AGBL4: variants seen among roughly 807,000 people sequenced by gnomAD.
The protein encoded by AGBL4 is cytosolic carboxypeptidase 6.
AGBL4 carries 58 observed loss-of-function variants against 66.4 expected under a neutral mutation model. The observed-to-expected ratio is 0.87, with a 90% CI of 0.71 to 1.09. The LOEUF (loss-of-function observed/expected upper bound fraction) is 1.09. Among genes scored for constraint, AGBL4 ranks in the 50% least tolerant of loss-of-function variants. The pLI is 0.00. For missense variants in AGBL4, 579 were observed against 631.0 expected, an observed-to-expected ratio of 0.92 and a Z score of 0.88; for synonymous variants, 234 against 222.9, an observed-to-expected ratio of 1.05 and a Z score of -0.44.
chr1:49,300,842 T>C (rs1644731895), intron 3 of AGBL4, among the ~76,000 whole-genome samples: 1 of 152,186 alleles, frequency 6.6e-6, no homozygotes, highest in Non-Finnish European at 1.5e-5. Flanking sequence ...GCTAATTATA[T>C]TGTAATCCTC....
intron 11 of AGBL4, among the ~76,000 whole-genome samples, chr1:48,561,025 G>A (rs961223463): frequency 6.6e-6 from 1 of 152,178 alleles, no homozygotes; most frequent in Non-Finnish European, 1.5e-5. Flanking sequence ...ATACTGCAGT[G>A]CTAGTCATTC....
At chr1:49,673,136 G>C (rs1360671518) in intron 3 of AGBL4, among the ~76,000 whole-genome samples, 1 of 152,066 alleles carries the variant, frequency 6.6e-6, no homozygotes, top group East Asian at 1.9e-4. Flanking sequence ...GATTTTGATG[G>C]TCTCTGCCTT....
chr1:49,202,412 C>T (rs1336635244), intron 4 of AGBL4, among the ~76,000 whole-genome samples: 2 of 152,064 alleles, frequency 1.3e-5, no homozygotes, highest in Admixed American at 1.3e-4. Context: ...AGGTATGGTA[C>T]TGGCATCAAG....
chr1:49,177,981 G>A (rs2148179839), intron 4 of AGBL4, among the ~76,000 whole-genome samples: 1 of 152,254 alleles, frequency 6.6e-6, no homozygotes, highest in African/African-American at 2.4e-5. Context: ...GCCTCAAACT[G>A]AAGATGACAG....
intron 4 of AGBL4, among the ~76,000 whole-genome samples, chr1:49,193,532 CTT>C (rs879757160): frequency 2.9e-5 from 4 of 139,822 alleles, no homozygotes; most frequent in Admixed American, 7.2e-5. Flanking sequence ...GTATTGATTT[CTT>C]TTTTTTTTTT....
At chr1:48,879,699 C>T (rs1649583118) in intron 5 of AGBL4, among the ~76,000 whole-genome samples, 1 of 152,120 alleles carries the variant, frequency 6.6e-6, no homozygotes, top group South Asian at 2.1e-4. Flanking sequence ...ATCCTCACAA[C>T]ATATCTGTAC....
At chr1:49,610,456 T>C (rs968565102) in intron 3 of AGBL4, among the ~76,000 whole-genome samples, 1 of 152,204 alleles carries the variant, frequency 6.6e-6, no homozygotes, top group African/African-American at 2.4e-5. Flanking sequence ...CAGTGCTGCA[T>C]GGAAAACAAA....
intron 6 of AGBL4, among the ~76,000 whole-genome samples, chr1:48,745,774 G>A (rs1650638528): frequency 6.6e-6 from 1 of 152,122 alleles, no homozygotes; most frequent in African/African-American, 2.4e-5. Context: ...CAAATACTGG[G>A]TTTAAGTACT....
rs575132169 is a variant in AGBL4, at chr1:49,979,924, TG to T, written c.34+43838del. 2.6e-3 allele frequency among the ~76,000 whole-genome samples: 401 copies of T among 152,302 alleles called. 1 individual carries two copies. The highest frequency in any genetic ancestry group is 4.8e-3 in the South Asian group (23 of 4,828). ...GCTGTGGTTATCCATTTCAGAAAGA[TG>T]ATTCATCTTGTAAACAGACAACATA... On this transcript the variant is annotated intron_variant, in intron 1 of 13. Coordinates refer to ENST00000371839, the MANE Select transcript of AGBL4 (RefSeq NM_032785.4).
chr1:49,278,463 T>C (rs1262330402), intron 3 of AGBL4, among the ~76,000 whole-genome samples: 1 of 152,188 alleles, frequency 6.6e-6, no homozygotes, highest in East Asian at 1.9e-4. Context: ...ACGACTGATC[T>C]ACTTTACAGC....
intron 3 of AGBL4, among the ~76,000 whole-genome samples, chr1:49,623,012 C>A (rs1162197602): frequency 1.3e-5 from 2 of 152,078 alleles, no homozygotes; most frequent in African/African-American, 4.8e-5. Flanking sequence ...CAGGAAAAAA[C>A]CACACACACA....
chr1:49,796,908 C>G (rs1422992579), intron 2 of AGBL4, among the ~76,000 whole-genome samples: 1 of 151,990 alleles, frequency 6.6e-6, no homozygotes, highest in Non-Finnish European at 1.5e-5. Context: ...AACTATACAA[C>G]AGTTTTCCTA....
At chr1:48,633,594 A>G (rs1010449512) in intron 9 of AGBL4, among the ~76,000 whole-genome samples, 2 of 152,170 alleles carry the variant, frequency 1.3e-5, no homozygotes, top group Admixed American at 1.3e-4. Flanking sequence ...TCACACACAC[A>G]TACTCCATTC....
At chr1:49,291,600 C>T (rs1375866567) in intron 3 of AGBL4, among the ~76,000 whole-genome samples, 2 of 152,134 alleles carry the variant, frequency 1.3e-5, no homozygotes, top group Non-Finnish European at 2.9e-5. Context: ...AACAAGAAAA[C>T]TAATCTGAGT....
intron 1 of AGBL4, among the ~76,000 whole-genome samples, chr1:49,878,110 G>A (rs1647081447): frequency 6.7e-6 from 1 of 148,496 alleles, no homozygotes; most frequent in Non-Finnish European, 1.5e-5. Flanking sequence ...CAAAAAACCA[G>A]CTCCTGGATT....
At chr1:49,919,453 C>A (rs566637396) in intron 1 of AGBL4, among the ~76,000 whole-genome samples, 1 of 152,224 alleles carries the variant, frequency 6.6e-6, no homozygotes, top group East Asian at 1.9e-4. Flanking sequence ...AACAGACAAA[C>A]AGAGAGCCAA....
intron 3 of AGBL4, among the ~76,000 whole-genome samples, chr1:49,333,792 T>TA (rs1350531218): frequency 6.6e-6 from 1 of 152,222 alleles, no homozygotes; most frequent in Non-Finnish European, 1.5e-5. Context: ...GGACTCAGGC[T>TA]AACCCTCCTT....
chr1:49,990,996 G>C (rs1659901046), intron 1 of AGBL4, among the ~76,000 whole-genome samples: 1 of 151,972 alleles, frequency 6.6e-6, no homozygotes, highest in African/African-American at 2.4e-5. Context: ...AAACCTAATA[G>C]GGTCATTTGA....
intron 4 of AGBL4, among the ~76,000 whole-genome samples, chr1:49,148,549 G>C (rs1468988356): frequency 6.6e-6 from 1 of 152,174 alleles, no homozygotes; most frequent in East Asian, 1.9e-4. Context: ...CCAGACTTTG[G>C]AGTGTCTTTT....
Sources: gnomAD v4.1 joint callset for allele counts (sites outside exome capture counted in the v4.1 genomes callset) on GRCh38, gnomAD v4.1.1 for gene constraint, MANE v1.5 for transcripts, NCBI Gene and HGNC (gene_info 2026-07-23, HGNC 2026-07-21) for gene names.